The following SNTG1 variants were observed in gnomAD, a reference collection of about 807,000 sequenced individuals.
The protein encoded by SNTG1 is syntrophin gamma 1.
Under a neutral mutation model 74.7 loss-of-function variants are expected in SNTG1, and 39 were observed. That is an observed-to-expected ratio of 0.52 (90% CI 0.40 to 0.68). The LOEUF (loss-of-function observed/expected upper bound fraction) is 0.68, where lower values mean the gene tolerates loss of function less well. Among genes scored for constraint, SNTG1 ranks in the 30% least tolerant of loss-of-function variants. The pLI is 0.00. For missense variants in SNTG1, 685 were observed against 609.5 expected (o/e 1.12, Z -1.30); for synonymous variants, 254 against 217.1 (o/e 1.17, Z -1.49).
At chr8:50,344,089 A>G (rs936042689) in intron 2 of SNTG1, among the ~76,000 whole-genome samples, 3 of 152,184 alleles carry the variant, frequency 2.0e-5, no homozygotes, top group African/African-American at 7.2e-5. Context: ...CCTTCAGCCT[A>G]AGAAGGTTTA....
intron 1 of SNTG1, among the ~76,000 whole-genome samples, chr8:49,983,056 C>A (rs528747217): frequency 6.6e-6 from 1 of 152,214 alleles, no homozygotes; most frequent in East Asian, 1.9e-4. Context: ...TCCTCTCATC[C>A]CTACCCAAAG....
At chr8:49,939,140 T>G (rs1808446841) in intron 1 of SNTG1, among the ~76,000 whole-genome samples, 1 of 152,106 alleles carries the variant, frequency 6.6e-6, no homozygotes, top group African/African-American at 2.4e-5. Context: ...CCATTTCAAT[T>G]TATACTTACT....
chr8:50,297,918 G>A (rs74824414), intron 2 of SNTG1, among the ~76,000 whole-genome samples: 7,866 of 150,434 alleles, frequency 0.052, 228 homozygotes, highest in Middle Eastern at 0.11. Context: ...TCGTTTATGA[G>A]GACACTATTA....
intron 1 of SNTG1, among the ~76,000 whole-genome samples, chr8:50,070,167 A>G (rs530873504): frequency 6.6e-6 from 1 of 152,312 alleles, no homozygotes; most frequent in South Asian, 2.1e-4. Context: ...ATATTTTGAG[A>G]AGAAGAACAT....
chr8:50,420,123 A>G lies in SNTG1; in HGVS notation c.162+17779A>G, dbSNP rs564212222. Among the ~76,000 whole-genome samples, 31 of 152,256 alleles carry G rather than the reference A, an allele frequency of 2.0e-4. No individual in the cohort carries two copies. In the South Asian group the frequency reaches 6.0e-3, roughly 30 times the overall value. On this transcript the variant is annotated intron_variant, in intron 4 of 18. Transcript: ENST00000642720. ...AGACTCAGAGTATTTAAAAAACATA[A>G]AGGCTGAAATTTTTCAAAATTGTGC...
At chr8:50,350,143 T>G (rs1327380390) in intron 2 of SNTG1, among the ~76,000 whole-genome samples, 1 of 152,094 alleles carries the variant, frequency 6.6e-6, no homozygotes, top group Non-Finnish European at 1.5e-5. Context: ...GGTCCTTAGC[T>G]GCCTCCTCAG....
chr8:49,985,292 G>A (rs1052150244), intron 1 of SNTG1, among the ~76,000 whole-genome samples: 5 of 152,130 alleles, frequency 3.3e-5, no homozygotes, highest in African/African-American at 9.6e-5. Context: ...GGTGCGCATC[G>A]CCATGCCTGG....
intron 17 of SNTG1, among the ~76,000 whole-genome samples, chr8:50,727,403 G>A (rs927761869): frequency 1.3e-5 from 2 of 152,154 alleles, no homozygotes; most frequent in Non-Finnish European, 2.9e-5. Flanking sequence ...GCTTTCAACA[G>A]ATGATATTTC....
At chr8:50,328,712 G>A (rs973704623) in intron 2 of SNTG1, among the ~76,000 whole-genome samples, 3 of 152,268 alleles carry the variant, frequency 2.0e-5, no homozygotes, top group South Asian at 2.1e-4. Flanking sequence ...AATGTGAGGT[G>A]AGATTTGGGT....
At chr8:50,697,149 G>C (rs1309727678) in intron 15 of SNTG1, among the ~76,000 whole-genome samples, 2 of 151,968 alleles carry the variant, frequency 1.3e-5, no homozygotes, top group East Asian at 1.9e-4. Flanking sequence ...TTCTGGTAGA[G>C]CTCTTTTACC....
chr8:50,032,500 T>G (rs1817817789), intron 1 of SNTG1, among the ~76,000 whole-genome samples: 1 of 152,142 alleles, frequency 6.6e-6, no homozygotes, highest in Admixed American at 6.5e-5. Context: ...TGTGGTTCTT[T>G]GGCTAGAAAG....
chr8:50,651,923 C>T (rs1166719035), intron 13 of SNTG1, among the ~76,000 whole-genome samples: 4 of 150,520 alleles, frequency 2.7e-5, no homozygotes, highest in Admixed American at 2.7e-4. Context: ...GGATTACAGG[C>T]ATTTTTAGTA....
chr8:50,720,968 T>C (rs1422866043), intron 17 of SNTG1, among the ~76,000 whole-genome samples: 1 of 152,236 alleles, frequency 6.6e-6, no homozygotes, highest in Non-Finnish European at 1.5e-5. Context: ...TCAGTTTCTT[T>C]AAACAGAAAT....
chr8:49,968,619 A>C (rs886286974), intron 1 of SNTG1, among the ~76,000 whole-genome samples: 2 of 152,164 alleles, frequency 1.3e-5, no homozygotes, highest in African/African-American at 4.8e-5. Context: ...AAATAATATC[A>C]ATTTGGGAGG....
chr8:49,932,882 T>A (rs1179944272), intron 1 of SNTG1, among the ~76,000 whole-genome samples: 1 of 152,222 alleles, frequency 6.6e-6, no homozygotes, highest in Non-Finnish European at 1.5e-5. Flanking sequence ...TGTGGTCTTA[T>A]GTGATTGACT....
At chr8:50,001,670 T>C (rs1814751775) in intron 1 of SNTG1, among the ~76,000 whole-genome samples, 1 of 152,162 alleles carries the variant, frequency 6.6e-6, no homozygotes, top group African/African-American at 2.4e-5. Context: ...AGTTCTAAAC[T>C]TCTGTGAATT....
intron 1 of SNTG1, among the ~76,000 whole-genome samples, chr8:50,100,670 T>A (rs2131225747): frequency 6.6e-6 from 1 of 152,290 alleles, no homozygotes; most frequent in East Asian, 1.9e-4. Context: ...AGAAGCTTGT[T>A]AATTAGAGTT....
chr8:50,126,648 A>G (rs2081149984), intron 1 of SNTG1, among the ~76,000 whole-genome samples: 1 of 151,900 alleles, frequency 6.6e-6, no homozygotes, highest in Non-Finnish European at 1.5e-5. Context: ...CATATATTAT[A>G]TATTATATAT....
intron 2 of SNTG1, among the ~76,000 whole-genome samples, chr8:50,181,874 G>T (rs908772929): frequency 6.6e-6 from 1 of 152,012 alleles, no homozygotes; most frequent in African/African-American, 2.4e-5. Context: ...GAAAGCTATT[G>T]ATTTTCCTCC....
Sources: allele counts gnomAD v4.1 joint callset (sites outside exome capture counted in the v4.1 genomes callset), GRCh38; gene constraint gnomAD v4.1.1; transcripts MANE v1.5; gene names NCBI Gene and HGNC (gene_info 2026-07-23, HGNC 2026-07-21).